CSMD1: variants seen among roughly 807,000 people sequenced by gnomAD.
CSMD1 encodes CUB and sushi domain-containing protein 1.
A neutral mutation model predicts 417.5 loss-of-function variants in CSMD1; 213 were observed. That is an observed-to-expected ratio of 0.51 (90% CI 0.46 to 0.57). The LOEUF is 0.57. Ranked by LOEUF, CSMD1 falls within the 20% of genes least tolerant of loss-of-function variation. CSMD1 has a pLI of 0.00. For synonymous variants in CSMD1, 2,862 were observed against 1,736.8 expected, an observed-to-expected ratio of 1.65 and a Z score of -16.11; for missense variants, 6,923 against 4,529.7, an observed-to-expected ratio of 1.53 and a Z score of -15.17.
chr8:2,953,026 G>A (rs1009940431), intron 65 of CSMD1, among the ~76,000 whole-genome samples: 1 of 152,024 alleles, frequency 6.6e-6, no homozygotes, highest in Non-Finnish European at 1.5e-5. Context: ...ACAAGAAAAG[G>A]AATATTGATA....
chr8:3,074,237 C>G (rs902463106), intron 49 of CSMD1, among the ~76,000 whole-genome samples: 1 of 152,212 alleles, frequency 6.6e-6, no homozygotes, highest in African/African-American at 2.4e-5. Flanking sequence ...TCCCTCACAT[C>G]CAGTCTTTCT....
chr8:4,667,268 T>C (rs1804998690), intron 1 of CSMD1, among the ~76,000 whole-genome samples: 1 of 152,142 alleles, frequency 6.6e-6, no homozygotes, highest in Admixed American at 6.5e-5. Flanking sequence ...TGAAAAGAAA[T>C]CTTGAAATCA....
intron 5 of CSMD1, among the ~76,000 whole-genome samples, chr8:3,779,816 A>T (rs1202364650): frequency 6.6e-6 from 1 of 152,236 alleles, no homozygotes; most frequent in African/African-American, 2.4e-5. Context: ...GAGCTGAGAC[A>T]TATTTAATAG....
intron 3 of CSMD1, among the ~76,000 whole-genome samples, chr8:4,333,505 T>G (rs1458083676): frequency 6.6e-6 from 1 of 152,194 alleles, no homozygotes; most frequent in African/African-American, 2.4e-5. Context: ...TGTACAGCAC[T>G]ACTCTCATTT....
intron 47 of CSMD1, among the ~76,000 whole-genome samples, chr8:3,094,833 GAGAC>G (rs1815189224): frequency 1.4e-5 from 2 of 143,614 alleles, no homozygotes; most frequent in African/African-American, 2.6e-5. Flanking sequence ...GAGAGAGAAA[GAGAC>G]AGAAAGATAT....
chr8:3,420,770 A>T (rs555755793), intron 12 of CSMD1, among the ~76,000 whole-genome samples: 2 of 152,314 alleles, frequency 1.3e-5, no homozygotes, highest in Admixed American at 6.5e-5. Flanking sequence ...GACTTTGAAC[A>T]TTCTATTACT....
At chr8:4,946,515 C>A (rs7815373) in intron 1 of CSMD1, among the ~76,000 whole-genome samples, 3 of 151,476 alleles carry the variant, frequency 2.0e-5, no homozygotes, top group African/African-American at 7.3e-5. Context: ...GCCATCCCCC[C>A]AGCTGCCTCT....
intron 3 of CSMD1, among the ~76,000 whole-genome samples, chr8:4,258,776 T>C (rs1235978244): frequency 6.6e-6 from 1 of 152,018 alleles, no homozygotes; most frequent in African/African-American, 2.4e-5. Flanking sequence ...TTAGAATGTG[T>C]AACCAGCTGA....
At chr8:4,243,237 G>C (rs144317276) in intron 3 of CSMD1, among the ~76,000 whole-genome samples, 77 of 152,202 alleles carry the variant, frequency 5.1e-4, no homozygotes, top group African/African-American at 1.8e-3. Flanking sequence ...TCAGGAAAGG[G>C]GAGATCACCA....
intron 3 of CSMD1, among the ~76,000 whole-genome samples, chr8:4,128,191 T>C (rs1563159393): frequency 6.6e-6 from 1 of 152,012 alleles, no homozygotes; most frequent in Non-Finnish European, 1.5e-5. Context: ...GCGGAAAAAG[T>C]GCCCTGAGAA....
intron 26 of CSMD1, among the ~76,000 whole-genome samples, chr8:3,238,579 A>C (rs1270100667): frequency 6.6e-6 from 1 of 152,018 alleles, no homozygotes; most frequent in Non-Finnish European, 1.5e-5. Context: ...AAGCTGAAGG[A>C]AGATTTTGTG....
At chr8:4,870,917 T>C (rs1200382919) in intron 1 of CSMD1, among the ~76,000 whole-genome samples, 2 of 152,148 alleles carry the variant, frequency 1.3e-5, no homozygotes, top group African/African-American at 2.4e-5. Context: ...TGGAGCCAGG[T>C]ATCACACACT....
rs149785030 is a variant in CSMD1 at position 4,320,377 on chromosome 8, C to G, written c.415+99576G>C. The stretch of plus-strand genomic sequence containing the variant: ...ATAAACCTTTTTTATTATTATTATA[C>G]TTTAAGTTGTGAGGGTACATGTGTA... On this transcript the variant is annotated intron_variant, in intron 3 of 69. Transcript: ENST00000635120. 1.6e-3 allele frequency among the ~76,000 whole-genome samples: 249 copies of G among 152,040 alleles called. 1 individual carries two copies. Among genetic ancestry groups the G allele is most frequent in the Middle Eastern group, 6.8e-3 (2 of 294 alleles).
At chr8:4,295,456 CATAT>C (rs562783432) in intron 3 of CSMD1, among the ~76,000 whole-genome samples, 73 of 142,928 alleles carry the variant, frequency 5.1e-4, no homozygotes, top group African/African-American at 1.8e-3. Context: ...TTATTATACA[CATAT>C]AATCTTATTA....
intron 3 of CSMD1, among the ~76,000 whole-genome samples, chr8:4,211,022 C>T (rs1800275710): frequency 6.6e-6 from 1 of 152,096 alleles, no homozygotes; most frequent in South Asian, 2.1e-4. Flanking sequence ...ATAAAAGTTT[C>T]AAAAATATTT....
intron 10 of CSMD1, among the ~76,000 whole-genome samples, chr8:3,567,587 G>A (rs1245180414): frequency 6.6e-6 from 1 of 151,564 alleles, no homozygotes; most frequent in East Asian, 1.9e-4. Context: ...GGAAAGGAAG[G>A]AAAGGGAGAA....
chr8:4,864,357 C>A (rs1266094385), intron 1 of CSMD1, among the ~76,000 whole-genome samples: 1 of 151,730 alleles, frequency 6.6e-6, no homozygotes, highest in African/African-American at 2.4e-5. Context: ...AAACAAAAAA[C>A]AAGTAATTAC....
intron 4 of CSMD1, among the ~76,000 whole-genome samples, chr8:4,001,596 AC>A (rs1585111317): frequency 6.6e-6 from 1 of 152,142 alleles, no homozygotes; most frequent in East Asian, 1.9e-4. Context: ...AGCTGGATAA[AC>A]TGCAATGTTA....
chr8:4,212,614 A>G (rs866677970), intron 3 of CSMD1, among the ~76,000 whole-genome samples: 39 of 152,260 alleles, frequency 2.6e-4, no homozygotes, highest in African/African-American at 8.9e-4. Context: ...TATCTAAACA[A>G]TGATCCTGTC....
Sources: gnomAD v4.1 joint callset for allele counts (sites outside exome capture counted in the v4.1 genomes callset) on GRCh38, gnomAD v4.1.1 for gene constraint, MANE v1.5 for transcripts, NCBI Gene and HGNC (gene_info 2026-07-23, HGNC 2026-07-21) for gene names.